Variants in WDR64 observed in about 807,000 individuals in gnomAD.
WDR64 encodes WD repeat-containing protein 64.
WDR64 carries 112 observed loss-of-function variants against 139.3 expected under a neutral mutation model. The observed-to-expected ratio is 0.80, with a 90% CI of 0.69 to 0.94. The LOEUF (loss-of-function observed/expected upper bound fraction) is 0.94, where lower values mean the gene tolerates loss of function less well. Ranked by LOEUF, WDR64 falls within the 40% of genes least tolerant of loss-of-function variation. The pLI, the probability that WDR64 is intolerant of heterozygous loss-of-function variation, is 0.00. For synonymous variants in WDR64, 444 were observed against 437.7 expected (o/e 1.01, Z -0.18); for missense variants, 1,206 against 1,293.1 (o/e 0.93, Z 1.03).
chr1:241,655,373 A>T (rs1665545629), intron 1 of WDR64, among the ~76,000 whole-genome samples: 1 of 152,152 alleles, frequency 6.6e-6, no homozygotes, highest in East Asian at 1.9e-4. Context: ...TGGGCTACAG[A>T]GAGAGACTCT....
intron 15 of WDR64, among the ~76,000 whole-genome samples, chr1:241,763,033 AAAATGC>A (rs1657992397): frequency 6.6e-6 from 1 of 152,226 alleles, no homozygotes; most frequent in Non-Finnish European, 1.5e-5. Context: ...AAGACAGAAC[AAAATGC>A]ATGTCCTCGT....
At chr1:241,693,384 A>C (rs1667374512) in intron 8 of WDR64, among the ~76,000 whole-genome samples, 1 of 152,210 alleles carries the variant, frequency 6.6e-6, no homozygotes, top group South Asian at 2.1e-4. Context: ...CAGTAAAAAG[A>C]TCAGTGGTTT....
At position 241,678,203 on chromosome 1, in the gene WDR64, G is replaced by A. The variant is rs1371013365; in HGVS notation, c.500G>A (p.Ser167Asn). ...VFNNQMRVQT[S>N]TNVTDTSWIT... The stretch of plus-strand genomic sequence containing the variant: ...TGTTCATAGATGAGAGTTCAGACCA[G>A]CACCAATGTTACAGTAAGTACACTT... Residue 167 changes from serine to asparagine, a missense_variant, in exon 5 of 28, where the codon AGC becomes AAC. By Grantham distance (46) the Ser-to-Asn change is conservative. Transcript: ENST00000437684. 4 of 398,766 alleles carry A rather than the reference G, an allele frequency of 1.0e-5. No homozygotes were observed. In the East Asian group the frequency reaches 1.4e-4, roughly 14 times the overall value. The allele number at this position is 398,766 out of a possible 1,614,324, so 24.7% of individuals were successfully genotyped here. A position where few individuals can be genotyped will look rare whatever the true frequency, so the allele number is the denominator to read the frequency against.
At chr1:241,800,994 T>C (rs558520897) in intron 27 of WDR64, 138 bp from the exon 28 acceptor site, 8 of 658,184 alleles carry the variant, frequency 1.2e-5, no homozygotes, top group African/African-American at 7.2e-5. Flanking sequence ...TCACATAGGA[T>C]TGTTAAGTAA....
At chr1:241,683,185 T>G (rs1000645070) in intron 6 of WDR64, among the ~76,000 whole-genome samples, 1 of 152,194 alleles carries the variant, frequency 6.6e-6, no homozygotes, top group Non-Finnish European at 1.5e-5. Context: ...TTTAATGTTT[T>G]CTTATAAATC....
chr1:241,667,785 C>CAGTAGAG (rs1666075915), intron 2 of WDR64, among the ~76,000 whole-genome samples: 1 of 152,210 alleles, frequency 6.6e-6, no homozygotes, highest in South Asian at 2.1e-4. Context: ...CTGACACCTT[C>CAGTAGAG]ATATTAGGAA....
intron 8 of WDR64, among the ~76,000 whole-genome samples, chr1:241,707,367 C>G (rs1667991711): frequency 6.6e-6 from 1 of 152,168 alleles, no homozygotes; most frequent in East Asian, 1.9e-4. Flanking sequence ...CACTTAGAGT[C>G]AACTGTCCTC....
chr1:241,725,225 T>C (rs1309904022), intron 10 of WDR64, among the ~76,000 whole-genome samples: 1 of 152,090 alleles, frequency 6.6e-6, no homozygotes, highest in African/African-American at 2.4e-5. Context: ...TTTGTTCTAA[T>C]AAAATAGCTA....
At chr1:241,780,618 C>A (rs1658810582) in intron 22 of WDR64, among the ~76,000 whole-genome samples, 1 of 151,902 alleles carries the variant, frequency 6.6e-6, no homozygotes, top group Non-Finnish European at 1.5e-5. Flanking sequence ...TTTTTTGGAT[C>A]ACAAGTATTA....
intron 19 of WDR64, among the ~76,000 whole-genome samples, 161 bp downstream of exon 19, chr1:241,771,858 T>C (rs1363178965): frequency 1.4e-5 from 2 of 146,104 alleles, no homozygotes; most frequent in Non-Finnish European, 3.0e-5. Flanking sequence ...TACGTATATA[T>C]AATATACACA....
intron 8 of WDR64, among the ~76,000 whole-genome samples, chr1:241,710,383 G>T (rs753967076): frequency 1.3e-5 from 2 of 152,154 alleles, no homozygotes; most frequent in African/African-American, 2.4e-5. Flanking sequence ...AAGCCCACAC[G>T]TTGTCACTCA....
At chr1:241,679,715 A>T (rs1206919168) in intron 6 of WDR64, 120 bp downstream of exon 6, 1 of 790,518 alleles carries the variant, frequency 1.3e-6, no homozygotes, top group Non-Finnish European at 2.1e-6. Context: ...GAGAGGATTT[A>T]AGTAAGTAAT....
At chr1:241,799,406 A>C (rs1308634908) in intron 27 of WDR64, among the ~76,000 whole-genome samples, 1 of 151,972 alleles carries the variant, frequency 6.6e-6, no homozygotes. Flanking sequence ...TAATGACAGA[A>C]AAATTATCAC....
At chr1:241,668,156 A>C (rs12564812) in intron 2 of WDR64, among the ~76,000 whole-genome samples, 1 of 152,172 alleles carries the variant, frequency 6.6e-6, no homozygotes, top group Non-Finnish European at 1.5e-5. Context: ...ACTTGTCTGA[A>C]TGCTGAAAGG....
chr1:241,733,029 C>G (rs1669152482), intron 10 of WDR64, among the ~76,000 whole-genome samples: 1 of 152,098 alleles, frequency 6.6e-6, no homozygotes, highest in African/African-American at 2.4e-5. Flanking sequence ...CAAAAGGCTC[C>G]AGAAGTCTTT....
At chr1:241,776,320 C>G (rs1658654168) in intron 21 of WDR64, among the ~76,000 whole-genome samples, 1 of 152,114 alleles carries the variant, frequency 6.6e-6, no homozygotes, top group East Asian at 1.9e-4. Context: ...CTCGTGTGAT[C>G]TGCCCACCTC....
At chr1:241,711,498 G>A (rs1668166597) in intron 8 of WDR64, among the ~76,000 whole-genome samples, 2 of 152,094 alleles carry the variant, frequency 1.3e-5, no homozygotes, top group Non-Finnish European at 2.9e-5. Context: ...TACCCTTTCC[G>A]GATTAAGACC....
chr1:241,782,322 C>G (rs553551691), intron 22 of WDR64, among the ~76,000 whole-genome samples: 1 of 152,212 alleles, frequency 6.6e-6, no homozygotes, highest in Non-Finnish European at 1.5e-5. Flanking sequence ...CCAGATTTTA[C>G]TTTGGCTCTC....
rs1478925548 is a variant in WDR64 at position 241,802,580 on chromosome 1, AT to A, written c.*1367del. ...AAAAAATTAAGAATTGTAAACTAAT[AT>A]TCTCATTGATATGCATGCTAATAGG... On this transcript the variant is annotated 3_prime_UTR_variant, in exon 28 of 28. Transcript: ENST00000437684. Among the ~76,000 whole-genome samples, 3 of 152,212 alleles carry A rather than the reference AT, an allele frequency of 2.0e-5. No homozygotes were observed. Among genetic ancestry groups the A allele is most frequent in the Admixed American group, 6.5e-5 (1 of 15,280 alleles).
Sources: gnomAD v4.1 joint callset for allele counts (sites outside exome capture counted in the v4.1 genomes callset) on GRCh38, gnomAD v4.1.1 for gene constraint, MANE v1.5 for transcripts, NCBI Gene and HGNC (gene_info 2026-07-23, HGNC 2026-07-21) for gene names.